The following OR13G1 variants were observed in gnomAD, a reference collection of about 807,000 sequenced individuals.
OR13G1 encodes the protein olfactory receptor 13G1.
For missense variants in OR13G1, 369 were observed against 385.7 expected (o/e 0.96, Z 0.36); for synonymous variants, 128 against 136.2 (o/e 0.94, Z 0.42).
chr1:247,672,231 C>A lies in OR13G1; in HGVS notation c.811G>T (p.Val271Leu). Residue 271 changes from valine (V) to leucine (L), a missense_variant, in exon 2 of 2, where the codon GTA (valine) becomes TTA (leucine). Val to Leu is a conservative substitution (Grantham distance 32). Transcript: ENST00000642119. ...SSYTFERDKVVAALYTLVTPT... is the reference protein window; with the variant it reads ...SSYTFERDKVLAALYTLVTPT... ...GTCACAAGAGTATAGAGTGCAGCTA[C>A]CACCTTGTCTCTTTCAAATGTATAG... 6.2e-7 allele frequency: 1 copy of A among 1,614,084 alleles called. No individual in the cohort carries two copies. The highest frequency in any genetic ancestry group is 8.5e-7 in the Non-Finnish European group (1 of 1,179,980).
intron 1 of OR13G1, among the ~76,000 whole-genome samples, chr1:247,676,694 G>T (rs1046810317): frequency 6.6e-5 from 10 of 152,098 alleles, no homozygotes; most frequent in Non-Finnish European, 1.5e-4. Flanking sequence ...CACTTAATTT[G>T]GTCTTGGATA....
chr1:247,678,944 G>T (rs772887520), intron 1 of OR13G1, among the ~76,000 whole-genome samples: 1 of 152,002 alleles, frequency 6.6e-6, no homozygotes, highest in Admixed American at 6.5e-5. Context: ...TGCAATTCCT[G>T]TCTGAAAGCA....
chr1:247,673,876 A>G (rs1659267260), intron 1 of OR13G1, among the ~76,000 whole-genome samples: 1 of 152,192 alleles, frequency 6.6e-6, no homozygotes, highest in Admixed American at 6.5e-5. Flanking sequence ...ATAAATTGAA[A>G]TAAATATCAG....
rs888040691 is a variant in OR13G1 at position 247,673,030 on chromosome 1, G to A, written c.12C>T (p.Ser4=). The A allele has an allele frequency of 2.5e-6, 4 of 1,608,170 alleles. No individual in the cohort carries two copies. The highest frequency in any genetic ancestry group is 2.2e-5 in the East Asian group (1 of 44,858). ...CCAGAATAATGAACTCAGTTACAACGCTGTGATTCATCCTGCTTGGGTGAT... is the reference window on the plus strand; with the variant it reads ...CCAGAATAATGAACTCAGTTACAACACTGTGATTCATCCTGCTTGGGTGAT... The part of the protein sequence containing the change: MNH[S]VVTEFIILGL... The change falls in exon 2 of 2, where the codon AGC becomes AGT. Residue 4 remains serine (S), a synonymous_variant. Coordinates refer to ENST00000642119, the MANE Select transcript of OR13G1 (RefSeq NM_001005487.2).
rs117999331 is a variant in OR13G1 at position 247,674,184 on chromosome 1, T to G, written c.-238-905A>C. 1.4e-3 allele frequency among the ~76,000 whole-genome samples: 220 copies of G among 152,338 alleles called. 3 individuals carry two copies. The East Asian group carries it at 0.038, about 26-fold the overall frequency. On this transcript the variant is annotated intron_variant, in intron 1 of 1. Transcript: ENST00000642119. ...CCACTGCACTTGGTTGCTGTCCGTT[T>G]TCTTTTATGCTTATTTATTTTGGTA...
At chr1:247,674,020 C>A (rs1231623903) in intron 1 of OR13G1, among the ~76,000 whole-genome samples, 1 of 152,056 alleles carries the variant, frequency 6.6e-6, no homozygotes, top group East Asian at 1.9e-4. Context: ...ACTTCCATAG[C>A]ATTCTGTTTT....
chr1:247,675,090 C>G (rs1318364387), intron 1 of OR13G1, among the ~76,000 whole-genome samples: 1 of 152,106 alleles, frequency 6.6e-6, no homozygotes, highest in African/African-American at 2.4e-5. Context: ...GTAAGCGGTT[C>G]TGGTCTGGTC....
Position 247,678,137 on chromosome 1 carries a change from A to G in OR13G1, c.-239+1503T>C, listed in dbSNP as rs75756174. Among the ~76,000 whole-genome samples, 1,045 of 152,316 alleles carry G rather than the reference A, an allele frequency of 6.9e-3. 7 individuals carry two copies. Among genetic ancestry groups the G allele is most frequent in the African/African-American group, 0.024 (1,005 of 41,562 alleles). On this transcript the variant is annotated intron_variant, in intron 1 of 1. Transcript: ENST00000642119. Reference sequence around the variant, plus strand: ...TTAATAATATTTATGTCACTATTTTACATATGAAGTAGTTGGTGAAATTTG... The same window carrying G: ...TTAATAATATTTATGTCACTATTTTGCATATGAAGTAGTTGGTGAAATTTG...
chr1:247,672,192 G>A lies in OR13G1; in HGVS notation c.850C>T (p.Pro284Ser), dbSNP rs1476323644. The A allele has an allele frequency of 6.2e-7, 1 of 1,614,016 alleles. No homozygotes were observed. Among genetic ancestry groups the A allele is most frequent in the Non-Finnish European group, 8.5e-7 (1 of 1,179,970 alleles). The change falls in exon 2 of 2, where the codon CCG becomes TCG. Residue 284 changes from proline (P) to serine (S), a missense_variant. Coordinates refer to ENST00000642119, the MANE Select transcript of OR13G1 (RefSeq NM_001005487.2). ...LYTLVTPTLN[P>S]MVYSFQNREM... The stretch of plus-strand genomic sequence containing the variant: ...CTATTCTGGAAGCTGTACACCATCG[G>A]GTTTAATGTGGGAGTCACAAGAGTA...
chr1:247,678,915 C>G (rs892310930), intron 1 of OR13G1, among the ~76,000 whole-genome samples: 7 of 152,102 alleles, frequency 4.6e-5, no homozygotes, highest in Admixed American at 3.9e-4. Context: ...GTTGGTCACC[C>G]TAGGACATCT....
chr1:247,672,032 GGAGGT>G lies in OR13G1; in HGVS notation c.*81_*85del. 9.1e-7 allele frequency: 1 copy of G among 1,095,608 alleles called. No homozygotes were observed. Among genetic ancestry groups the G allele is most frequent in the African/African-American group, 1.6e-5 (1 of 63,864 alleles). 67.9% of individuals were successfully genotyped at this position (1,095,608 alleles called of 1,614,324 possible). ...ATAAGAGGGAAGGGAAAATTGGAGT[GGAGGT>G]AAGTATGAAAAACCAGTAAAATCTG... On this transcript the variant is annotated 3_prime_UTR_variant, in exon 2 of 2. Transcript: ENST00000642119.
Position 247,671,831 on chromosome 1 carries a change from T to G in OR13G1, c.*287A>C. 1 of 354,564 alleles carries G rather than the reference T, an allele frequency of 2.8e-6. No homozygotes were observed. Among genetic ancestry groups the G allele is most frequent in the Non-Finnish European group, 5.1e-6 (1 of 196,430 alleles). The allele number at this position is 354,564 out of a possible 1,614,324, so 22.0% of individuals were successfully genotyped here. A position where few individuals can be genotyped will look rare whatever the true frequency, so the allele number is the denominator to read the frequency against. ...GTGCACATGCACATATAGGTAAATATTTGTGTATATGCATATATAAGTATT... is the reference window on the plus strand; with the variant it reads ...GTGCACATGCACATATAGGTAAATAGTTGTGTATATGCATATATAAGTATT... On this transcript the variant is annotated 3_prime_UTR_variant, in exon 2 of 2. Transcript: ENST00000642119.
At position 247,672,542 on chromosome 1, in the gene OR13G1, C is replaced by T. The variant is rs1415671792; in HGVS notation, c.500G>A (p.Gly167Glu). The change falls in exon 2 of 2, where the codon GGG becomes GAG. Residue 167 changes from glycine (G) to glutamate (E), a missense_variant. Coordinates refer to ENST00000642119, the MANE Select transcript of OR13G1 (RefSeq NM_001005487.2). ...GAAGAAGTGGTCAATGGTGTTTGGC[C>T]CACAGAAAGTCAACCTCATGATAAG... The part of the protein sequence containing the change: ...TALIMRLTFC[G>E]PNTIDHFFCE... 2 of 1,614,010 alleles carry T rather than the reference C, an allele frequency of 1.2e-6. No individual in the cohort carries two copies. The highest frequency in any genetic ancestry group is 8.5e-7 in the Non-Finnish European group (1 of 1,179,998).
chr1:247,675,521 C>A (rs1355817243), intron 1 of OR13G1, among the ~76,000 whole-genome samples: 2 of 152,104 alleles, frequency 1.3e-5, no homozygotes, highest in Non-Finnish European at 2.9e-5. Context: ...AATGTCCTCA[C>A]CCCCTTCTCT....
rs761310524 is a variant in OR13G1, at chr1:247,672,888, A to C, written c.154T>G (p.Leu52Val). The C allele has an allele frequency of 6.2e-7, 1 of 1,614,076 alleles. No individual in the cohort carries two copies. The highest frequency in any genetic ancestry group is 1.1e-5 in the South Asian group (1 of 91,074). The change falls in exon 2 of 2, where the codon TTG becomes GTG. Residue 52 changes from leucine to valine, a missense_variant. Transcript: ENST00000642119. ...AGGAAAACATACATGGGCGTATGCAAGGTGTTGTTATAGATTTTGGCAATG... is the reference window on the plus strand; with the variant it reads ...AGGAAAACATACATGGGCGTATGCACGGTGTTGTTATAGATTTTGGCAATG... ...IIIAKIYNNTLHTPMYVFLLT... is the reference protein window; with the variant it reads ...IIIAKIYNNTVHTPMYVFLLT...
intron 1 of OR13G1, among the ~76,000 whole-genome samples, chr1:247,677,931 C>T (rs1480146243): frequency 6.6e-6 from 1 of 152,046 alleles, no homozygotes; most frequent in African/African-American, 2.4e-5. Context: ...ATGGAGAAAC[C>T]CCATCTCTAA....
chr1:247,673,981 A>G lies in OR13G1; in HGVS notation c.-238-702T>C, dbSNP rs142216975. 3.2e-3 allele frequency among the ~76,000 whole-genome samples: 489 copies of G among 152,246 alleles called. 5 individuals carry two copies. Among genetic ancestry groups the G allele is most frequent in the African/African-American group, 0.011 (455 of 41,550 alleles). Reference sequence around the variant, plus strand: ...AAATAATTTCTAGGACACAAGAAAAATCTGTGTCCTATGTTATTTTCCCCC... The same window carrying G: ...AAATAATTTCTAGGACACAAGAAAAGTCTGTGTCCTATGTTATTTTCCCCC... On this transcript the variant is annotated intron_variant, in intron 1 of 1. Transcript: ENST00000642119.
intron 1 of OR13G1, among the ~76,000 whole-genome samples, chr1:247,673,530 T>C (rs1659252479): frequency 2.6e-5 from 4 of 152,124 alleles, no homozygotes; most frequent in Admixed American, 2.6e-4. Flanking sequence ...ATACTTGAAA[T>C]AATACAAGCT....
rs28404021 is a variant in OR13G1 at position 247,671,866 on chromosome 1, G to A, written c.*252C>T. On this transcript the variant is annotated 3_prime_UTR_variant, in exon 2 of 2. Coordinates refer to ENST00000642119, the MANE Select transcript of OR13G1 (RefSeq NM_001005487.2). ...TGCATATATAAGTATTCGAAGTTATGTACATATTTTTGGAAAATGTTGGAA... is the reference window on the plus strand; with the variant it reads ...TGCATATATAAGTATTCGAAGTTATATACATATTTTTGGAAAATGTTGGAA... 5,061 of 469,088 alleles carry A rather than the reference G, an allele frequency of 0.011. 214 individuals are homozygous for A. Among genetic ancestry groups the A allele is most frequent in the African/African-American group, 0.089 (4,611 of 51,764 alleles). 29.1% of individuals were successfully genotyped at this position (469,088 alleles called of 1,614,324 possible). A position where few individuals can be genotyped will look rare whatever the true frequency, so the allele number is the denominator to read the frequency against.
Sources: allele counts gnomAD v4.1 joint callset (sites outside exome capture counted in the v4.1 genomes callset), GRCh38; gene constraint gnomAD v4.1.1; transcripts MANE v1.5; gene names NCBI Gene and HGNC (gene_info 2026-07-23, HGNC 2026-07-21).